CHRM3: variants seen among roughly 807,000 people sequenced by gnomAD.
CHRM3 encodes cholinergic receptor muscarinic 3.
In CHRM3, 11 loss-of-function variants were observed where a neutral mutation model predicts 41.8. That is an observed-to-expected ratio of 0.26 (90% CI 0.17 to 0.44). The LOEUF is 0.44. Ranked by LOEUF, CHRM3 falls within the 20% of genes least tolerant of loss-of-function variation. CHRM3 has a pLI of 1.00. For missense variants in CHRM3, 571 were observed against 745.4 expected (o/e 0.77, Z 2.72); for synonymous variants, 297 against 301.4 (o/e 0.99, Z 0.15).
chr1:239,685,897 A>G (rs1370176139), intron 5 of CHRM3, among the ~76,000 whole-genome samples: 1 of 152,146 alleles, frequency 6.6e-6, no homozygotes, highest in Non-Finnish European at 1.5e-5. Context: ...ACTCCCTGTC[A>G]CTGCCTCCTG....
At chr1:239,642,549 T>C (rs1327153405) in intron 4 of CHRM3, among the ~76,000 whole-genome samples, 2 of 152,232 alleles carry the variant, frequency 1.3e-5, no homozygotes, top group Non-Finnish European at 2.9e-5. Context: ...TTCTTCCAGT[T>C]GATCGCATCG....
chr1:239,886,804 G>T (rs909896802), intron 6 of CHRM3, among the ~76,000 whole-genome samples: 1 of 152,130 alleles, frequency 6.6e-6, no homozygotes, highest in Non-Finnish European at 1.5e-5. Context: ...TTCCAGCCCG[G>T]TTCCAAAGAG....
At position 239,436,578 on chromosome 1, in the gene CHRM3, G is replaced by A. The variant is rs149980345; in HGVS notation, c.-521+49351G>A. Among the ~76,000 whole-genome samples the A allele has an allele frequency of 6.1e-3, 933 of 151,834 alleles. 5 individuals carry two copies. The highest frequency in any genetic ancestry group is 0.022 in the African/African-American group (893 of 41,398). On this transcript the variant is annotated intron_variant, in intron 1 of 6. Coordinates refer to ENST00000676153, the MANE Select transcript of CHRM3 (RefSeq NM_001375978.1). The stretch of plus-strand genomic sequence containing the variant: ...GTTCATCTGTCTCACCAACCATTCA[G>A]GAACAGCCAAGGGATAGTCACCCAT...
intron 5 of CHRM3, among the ~76,000 whole-genome samples, chr1:239,709,112 G>T (rs572457700): frequency 6.6e-6 from 1 of 151,906 alleles, no homozygotes; most frequent in Admixed American, 6.6e-5. Flanking sequence ...ATGTTTAAAC[G>T]TACAATGCTT....
intron 6 of CHRM3, among the ~76,000 whole-genome samples, chr1:239,830,474 C>T (rs1165350722): frequency 6.6e-6 from 1 of 152,064 alleles, no homozygotes; most frequent in Non-Finnish European, 1.5e-5. Flanking sequence ...GAGGCCGAGG[C>T]GGGCGGATCA....
At chr1:239,560,666 A>T (rs1660769555) in intron 3 of CHRM3, among the ~76,000 whole-genome samples, 1 of 152,072 alleles carries the variant, frequency 6.6e-6, no homozygotes, top group African/African-American at 2.4e-5. Context: ...CTTTAAATAT[A>T]TATGTGTGTA....
Position 239,688,694 on chromosome 1 carries a change from A to G in CHRM3, c.-147+10406A>G, listed in dbSNP as rs1659407935. Among the ~76,000 whole-genome samples, 3 of 134,622 alleles carry G rather than the reference A, an allele frequency of 2.2e-5. No homozygotes were observed. In the South Asian group the frequency reaches 6.5e-4, roughly 29 times the overall value. 88.3% of individuals were successfully genotyped at this position (134,622 alleles called of 152,430 possible). A position where few individuals can be genotyped will look rare whatever the true frequency, so the allele number is the denominator to read the frequency against. ...TATTATATGTTATGCAATATAATAT[A>G]TAATATTATATATAATACATTATTC... On this transcript the variant is annotated intron_variant, in intron 5 of 6. Transcript: ENST00000676153.
chr1:239,638,716 T>C (rs1427382628), intron 4 of CHRM3, among the ~76,000 whole-genome samples: 21 of 152,068 alleles, frequency 1.4e-4, no homozygotes, highest in Admixed American at 2.6e-4. Context: ...TGTAGGTTGC[T>C]GGTTCACTCT....
At chr1:239,508,214 T>G (rs759675418) in intron 2 of CHRM3, among the ~76,000 whole-genome samples, 7 of 152,240 alleles carry the variant, frequency 4.6e-5, no homozygotes, top group Non-Finnish European at 1.0e-4. Context: ...ATTTTCCATT[T>G]AAGAATAGTT....
At chr1:239,895,928 T>G (rs188043189) in intron 6 of CHRM3, among the ~76,000 whole-genome samples, 1 of 152,280 alleles carries the variant, frequency 6.6e-6, no homozygotes, top group Admixed American at 6.5e-5. Context: ...ACACATAATT[T>G]ACCTATGTAA....
chr1:239,412,409 C>T (rs932566665), intron 1 of CHRM3, among the ~76,000 whole-genome samples: 1 of 89,486 alleles, frequency 1.1e-5, no homozygotes, highest in African/African-American at 4.6e-5. Flanking sequence ...CCAGTCAGCA[C>T]TGTTCCTCTC....
At chr1:239,558,213 A>T (rs1660545675) in intron 3 of CHRM3, among the ~76,000 whole-genome samples, 1 of 152,052 alleles carries the variant, frequency 6.6e-6, no homozygotes, top group African/African-American at 2.4e-5. Context: ...TGTGGTTTTG[A>T]TTTGCATTTC....
At chr1:239,686,140 T>G (rs1659126216) in intron 5 of CHRM3, among the ~76,000 whole-genome samples, 1 of 152,202 alleles carries the variant, frequency 6.6e-6, no homozygotes, top group African/African-American at 2.4e-5. Context: ...TCACATTAAT[T>G]TCTCCTCTGC....
At chr1:239,408,789 A>AT (rs66799037) in intron 1 of CHRM3, among the ~76,000 whole-genome samples, 32,103 of 144,274 alleles carry the variant, frequency 0.22, 4,058 homozygotes, top group Non-Finnish European at 0.3. Context: ...GGCTGGCTAG[A>AT]TTTTTTTTTT....
At chr1:239,451,498 C>T (rs1304882907) in intron 1 of CHRM3, among the ~76,000 whole-genome samples, 1 of 152,238 alleles carries the variant, frequency 6.6e-6, no homozygotes, top group East Asian at 1.9e-4. Context: ...GCCACTTCAG[C>T]TCTTGTGCCT....
chr1:239,758,899 G>A (rs1006961107), intron 5 of CHRM3, among the ~76,000 whole-genome samples: 4 of 152,116 alleles, frequency 2.6e-5, no homozygotes, highest in African/African-American at 4.8e-5. Flanking sequence ...ACAGGGGTGC[G>A]ATTTCTAATC....
At chr1:239,585,758 G>A (rs1663337564) in intron 3 of CHRM3, among the ~76,000 whole-genome samples, 1 of 152,112 alleles carries the variant, frequency 6.6e-6, no homozygotes, top group Non-Finnish European at 1.5e-5. Context: ...ATTTTAAATG[G>A]CCAAAGCAGG....
intron 2 of CHRM3, among the ~76,000 whole-genome samples, chr1:239,493,274 T>G (rs1667670155): frequency 1.3e-5 from 2 of 152,208 alleles, no homozygotes; most frequent in African/African-American, 4.8e-5. Context: ...CCAATAACTG[T>G]TCTCAGGCAG....
chr1:239,731,177 A>G (rs1249158481), intron 5 of CHRM3, among the ~76,000 whole-genome samples: 1 of 151,922 alleles, frequency 6.6e-6, no homozygotes, highest in Non-Finnish European at 1.5e-5. Flanking sequence ...TGTCACGTGC[A>G]GATAGCCAGT....
Sources: allele counts gnomAD v4.1 joint callset (sites outside exome capture counted in the v4.1 genomes callset), GRCh38; gene constraint gnomAD v4.1.1; transcripts MANE v1.5; gene names NCBI Gene and HGNC (gene_info 2026-07-23, HGNC 2026-07-21).